The following CD8A variants were observed in gnomAD, a reference collection of about 807,000 sequenced individuals.
The protein encoded by CD8A is T-cell surface glycoprotein CD8 alpha chain.
CD8A carries 25 observed loss-of-function variants against 24.2 expected under a neutral mutation model. The observed-to-expected ratio is 1.03, with a 90% CI of 0.75 to 1.44. The LOEUF (loss-of-function observed/expected upper bound fraction) is 1.44. Ranked by LOEUF, CD8A falls within the 40% of genes most tolerant of loss-of-function variation. CD8A has a pLI of 0.00. For synonymous variants in CD8A, 165 were observed against 149.9 expected (o/e 1.10, Z -0.74); for missense variants, 360 against 319.7 (o/e 1.13, Z -0.96).
chr2:86,796,469 T>A (rs1393721017), intron 3 of CD8A, among the ~76,000 whole-genome samples: 6 of 152,180 alleles, frequency 3.9e-5, no homozygotes, highest in Non-Finnish European at 7.3e-5. Context: ...GTTTGAAATA[T>A]AATTGGGAGA....
In CD8A at chr2:86,805,912, C is replaced by T. The variant is rs1028265998; in HGVS notation, c.-418+1535G>A. Reference sequence around the variant, plus strand: ...AAATACACTGCATCCAAAAAAGGCTCGTTTCTTTTTCTTTCTTTCTCTCTC... The same window carrying T: ...AAATACACTGCATCCAAAAAAGGCTTGTTTCTTTTTCTTTCTTTCTCTCTC... On this transcript the variant is annotated intron_variant, in intron 2 of 8. Coordinates refer to the CD8A transcript ENST00000409511. 3.3e-5 allele frequency among the ~76,000 whole-genome samples: 5 copies of T among 151,990 alleles called. 1 individual carries two copies. Among genetic ancestry groups the T allele is most frequent in the African/African-American group, 1.2e-4 (5 of 41,408 alleles).
At chr2:86,793,299 T>C (rs1438837484), upstream of CD8A, among the ~76,000 whole-genome samples, 2 of 152,338 alleles carry the variant, frequency 1.3e-5, no homozygotes, top group South Asian at 2.1e-4. Context: ...GTAGATATAA[T>C]GTATCTGTAT....
chr2:86,792,651 T>C (rs1028328571), upstream of CD8A, among the ~76,000 whole-genome samples: 23 of 152,006 alleles, frequency 1.5e-4, no homozygotes, highest in African/African-American at 5.3e-4. Context: ...CACACCACCA[T>C]GCCCAGCTAA....
chr2:86,801,010 T>C lies in CD8A; in HGVS notation c.-271+501A>G, dbSNP rs115742443. Reference sequence around the variant, plus strand: ...AGAGATGGGGTGATGTTTCTACAAGTCAAGGAATGCCAAAGATTGCCAGCA... The same window carrying C: ...AGAGATGGGGTGATGTTTCTACAAGCCAAGGAATGCCAAAGATTGCCAGCA... On this transcript the variant is annotated intron_variant, in intron 3 of 8. Coordinates refer to the CD8A transcript ENST00000409511. Among the ~76,000 whole-genome samples, 127 of 152,150 alleles carry C rather than the reference T, an allele frequency of 8.3e-4. 1 individual carries two copies. Among genetic ancestry groups the C allele is most frequent in the African/African-American group, 3.0e-3 (124 of 41,494 alleles).
Position 86,790,370 on chromosome 2 carries a change from A to G in CD8A, c.361T>C (p.Ser121Pro). The G allele has an allele frequency of 6.2e-7, 1 of 1,613,948 alleles. No homozygotes were observed. Among genetic ancestry groups the G allele is most frequent in the Non-Finnish European group, 8.5e-7 (1 of 1,179,950 alleles). ...ACGAAGTGGCTGAAGTACATGATGG[A>G]GTTGCTCAGGGCCGAGCAGAAATAG... ...GYYFCSALSN[S>P]IMYFSHFVPV... is the part of the protein sequence containing the mutation. The change falls in exon 2 of 6, where the codon TCC (serine) becomes CCC (proline). Residue 121 changes from serine to proline, a missense_variant. Ser to Pro is a moderately conservative substitution (Grantham distance 74). Transcript: ENST00000283635.
intron 2 of CD8A, among the ~76,000 whole-genome samples, chr2:86,804,004 CAATT>C (rs1468265512): frequency 1.3e-5 from 2 of 152,238 alleles, no homozygotes; most frequent in East Asian, 3.9e-4. Flanking sequence ...ATGAAGACTA[CAATT>C]AATAATAGCA....
intron 2 of CD8A, among the ~76,000 whole-genome samples, chr2:86,807,191 G>T (rs1299153442): frequency 6.6e-6 from 1 of 152,054 alleles, no homozygotes; most frequent in Non-Finnish European, 1.5e-5. Flanking sequence ...GCGTGCTGGC[G>T]CGGGTCCATG....
At chr2:86,805,030 TGACCTCAA>T (rs1673799228) in intron 2 of CD8A, among the ~76,000 whole-genome samples, 1 of 152,076 alleles carries the variant, frequency 6.6e-6, no homozygotes, top group Non-Finnish European at 1.5e-5. Flanking sequence ...CTCGAACTCC[TGACCTCAA>T]GTGATCCACC....
chr2:86,788,646 G>T, intron 4 of CD8A, 86 bp from the exon 5 acceptor site: 2 of 1,257,822 alleles, frequency 1.6e-6, no homozygotes, highest in African/African-American at 1.5e-5. Context: ...TGTTGCTGTT[G>T]TTGTTGCTGC....
At chr2:86,786,891 G>A (rs1460984041) in intron 5 of CD8A, among the ~76,000 whole-genome samples, 1 of 150,954 alleles carries the variant, frequency 6.6e-6, no homozygotes, top group African/African-American at 2.4e-5. Context: ...GTTGTGGCGG[G>A]TGCCTGTAGT....
rs10663115 is a variant in CD8A, at chr2:86,788,245, G to GTTT, written c.656+282_656+284dup. Among the ~76,000 whole-genome samples the GTTT allele has an allele frequency of 8.1e-3, 1,024 of 127,060 alleles. 29 individuals are homozygous for GTTT. The highest frequency in any genetic ancestry group is 0.022 in the African/African-American group (714 of 32,882). The allele number at this position is 127,060 out of a possible 152,430, so 83.4% of individuals were successfully genotyped here. A position where few individuals can be genotyped will look rare whatever the true frequency, so the allele number is the denominator to read the frequency against. ...AGGATAAATTGGGGGAATCCCTCAG[G>GTTT]TTTTTTTTTTTTTTTTTTGGAAGTG... On this transcript the variant is annotated intron_variant, in intron 5 of 5. Coordinates refer to ENST00000283635, the MANE Select transcript of CD8A (RefSeq NM_001768.7).
chr2:86,789,761 A>C lies in CD8A; in HGVS notation c.404-11T>G, dbSNP rs1421132571. The C allele has an allele frequency of 1.3e-5, 18 of 1,345,146 alleles. No homozygotes were observed. The highest frequency in any genetic ancestry group is 1.7e-5 in the Non-Finnish European group (18 of 1,053,918). The allele number at this position is 1,345,146 out of a possible 1,614,324, so 83.3% of individuals were successfully genotyped here. ...TCGTGGTGGGCTTCGCTGCAAGAGC[A>C]ACAGAGCGTGGTTGGGGGCCAGGCT... is the stretch of plus-strand genomic sequence containing the variant. On this transcript the variant is annotated splice_polypyrimidine_tract_variant and intron_variant, in intron 2 of 5. Transcript: ENST00000283635.
chr2:86,799,976 T>G (rs932253177), intron 3 of CD8A, among the ~76,000 whole-genome samples: 1 of 151,846 alleles, frequency 6.6e-6, no homozygotes, highest in Admixed American at 6.6e-5. Context: ...GTCTGAGTTG[T>G]TAATTGGTTT....
chr2:86,797,304 G>C (rs1673513428), intron 3 of CD8A, among the ~76,000 whole-genome samples: 1 of 152,128 alleles, frequency 6.6e-6, no homozygotes, highest in African/African-American at 2.4e-5. Context: ...AGAGTATATG[G>C]AACCTTCAGG....
intron 2 of CD8A, among the ~76,000 whole-genome samples, chr2:86,804,866 G>A (rs1001001800): frequency 1.4e-5 from 2 of 146,124 alleles, no homozygotes; most frequent in Non-Finnish European, 3.0e-5. Flanking sequence ...GCAGTGGTGC[G>A]ATCTCAGCTC....
At chr2:86,802,825 G>T (rs956261809) in intron 2 of CD8A, among the ~76,000 whole-genome samples, 1 of 152,034 alleles carries the variant, frequency 6.6e-6, no homozygotes, top group Non-Finnish European at 1.5e-5. Context: ...TGGCCAGGTT[G>T]GTCTTGAACT....
At chr2:86,789,538 C>T in intron 3 of CD8A, 102 bp downstream of exon 3, 1 of 1,338,158 alleles carries the variant, frequency 7.5e-7, no homozygotes, top group African/African-American at 1.4e-5. Flanking sequence ...TTTCCCACCA[C>T]TTGGACAGCC....
At chr2:86,789,513 C>T (rs1673173536) in intron 3 of CD8A, 80 bp from the exon 4 acceptor site, 4 of 1,355,986 alleles carry the variant, frequency 2.9e-6, no homozygotes, top group Non-Finnish European at 4.2e-6. Flanking sequence ...AACGTCTCTC[C>T]GCCTCAGATC....
chr2:86,793,623 A>C (rs1444867278), upstream of CD8A, among the ~76,000 whole-genome samples: 1 of 152,220 alleles, frequency 6.6e-6, no homozygotes, highest in African/African-American at 2.4e-5. Flanking sequence ...CTGCTGGCCA[A>C]AGGCTACAAT....
Sources: allele counts gnomAD v4.1 joint callset (sites outside exome capture counted in the v4.1 genomes callset), GRCh38; gene constraint gnomAD v4.1.1; transcripts MANE v1.5; gene names NCBI Gene and HGNC (gene_info 2026-07-23, HGNC 2026-07-21).